The following PDXDC1 variants were observed in gnomAD, a reference collection of about 807,000 sequenced individuals.
The protein encoded by PDXDC1 is pyridoxal-dependent decarboxylase domain-containing protein 1.
In PDXDC1, 42 loss-of-function variants were observed where a neutral mutation model predicts 100.1. That is an observed-to-expected ratio of 0.42 (90% CI 0.33 to 0.54). The LOEUF (loss-of-function observed/expected upper bound fraction) is 0.54. PDXDC1 is among the 20% of genes least tolerant of loss of function. PDXDC1 has a pLI of 0.10. For missense variants in PDXDC1, 636 were observed against 979.2 expected, an observed-to-expected ratio of 0.65 and a Z score of 4.68; for synonymous variants, 260 against 371.7, an observed-to-expected ratio of 0.70 and a Z score of 3.46.
intron 16 of PDXDC1, among the ~76,000 whole-genome samples, chr16:15,087,045 A>T (rs1447983841): frequency 6.6e-6 from 1 of 152,238 alleles, no homozygotes; most frequent in Admixed American, 6.5e-5. Context: ...GTGACATGAG[A>T]AGAACTGCTA....
rs1156710772 is a variant in PDXDC1 at position 14,998,381 on chromosome 16, A to C, written c.137A>C (p.Asp46Ala). 6.2e-7 allele frequency: 1 copy of C among 1,613,312 alleles called. No individual in the cohort carries two copies. Among genetic ancestry groups the C allele is most frequent in the African/African-American group, 1.3e-5 (1 of 74,920 alleles). ...AATGGAAAGAAGCTCATATCCGGAG[A>C]TATTCCAGGCCCACTCCAGGGCAGG... is the stretch of plus-strand genomic sequence containing the variant. ...EENGKKLISG[D>A]IPGPLQGSGQ... The change falls in exon 3 of 23, where the codon GAT (aspartate) becomes GCT (alanine). Residue 46 changes from aspartate (D) to alanine (A), a missense_variant. Physicochemically the swap from Asp to Ala is moderately radical, Grantham distance 126. This residue lies in a region of PDXDC1 where 125 missense variants were observed against 479.9 expected (regional missense o/e 0.26). Coordinates refer to ENST00000396410, the MANE Select transcript of PDXDC1 (RefSeq NM_015027.4).
intron 14 of PDXDC1, among the ~76,000 whole-genome samples, chr16:15,027,321 T>C (rs1213369252): frequency 6.6e-6 from 1 of 152,290 alleles, no homozygotes; most frequent in African/African-American, 2.4e-5. Context: ...ACGGGCAGGC[T>C]GTGGGGCTCC....
intron 16 of PDXDC1, among the ~76,000 whole-genome samples, chr16:15,098,864 A>G (rs1168749550): frequency 1.3e-5 from 2 of 151,176 alleles, no homozygotes; most frequent in Admixed American, 6.6e-5. Context: ...AGGCATCAAA[A>G]CTCCCTCTCA....
chr16:15,072,013 C>T (rs1396580927), intron 16 of PDXDC1, among the ~76,000 whole-genome samples: 5 of 152,130 alleles, frequency 3.3e-5, no homozygotes, highest in South Asian at 2.1e-4. Flanking sequence ...TACGGACTAA[C>T]GCACAGCTGG....
intron 8 of PDXDC1, among the ~76,000 whole-genome samples, chr16:15,014,669 T>C (rs1474352282): frequency 6.6e-6 from 1 of 152,290 alleles, no homozygotes; most frequent in Non-Finnish European, 1.5e-5. Context: ...ACTACTTTCT[T>C]TAGCTGTGTT....
chr16:15,144,452 G>A, the PDXDC1 span, among the ~76,000 whole-genome samples: 1 of 152,284 alleles, frequency 6.6e-6, no homozygotes, highest in East Asian at 1.9e-4. Context: ...CTTCCATGGG[G>A]AGGGCCAGGG....
intron 16 of PDXDC1, among the ~76,000 whole-genome samples, chr16:15,064,660 C>T (rs912789299): frequency 3.9e-5 from 6 of 152,134 alleles, no homozygotes; most frequent in Non-Finnish European, 8.8e-5. Flanking sequence ...AACAAAAAAC[C>T]CTTGATGTCA....
chr16:15,131,297 C>G, intron 16 of PDXDC1: 3 of 1,572,336 alleles, frequency 1.9e-6, no homozygotes, highest in South Asian at 2.2e-5. Context: ...ATCTGGGCGC[C>G]GGCCTGTGTC....
intron 16 of PDXDC1, among the ~76,000 whole-genome samples, chr16:15,129,502 A>G (rs557095500): frequency 0.014 from 2,089 of 152,286 alleles, 36 homozygotes; most frequent in Non-Finnish European, 0.023. Flanking sequence ...AAAGGAAAAT[A>G]GAGGTATTGA....
intron 8 of PDXDC1, among the ~76,000 whole-genome samples, chr16:15,013,443 A>T (rs1475905758): frequency 6.6e-6 from 1 of 151,978 alleles, no homozygotes; most frequent in Non-Finnish European, 1.5e-5. Context: ...GGGAAAGGGT[A>T]ATTATATTGG....
intron 16 of PDXDC1, chr16:15,104,390 G>T: frequency 6.3e-7 from 1 of 1,595,900 alleles, no homozygotes. Flanking sequence ...GAAGGGGAGT[G>T]AGCAGACACA....
chr16:14,991,267 ATGTGTG>A (rs10642182), intron 1 of PDXDC1, among the ~76,000 whole-genome samples: 543 of 149,854 alleles, frequency 3.6e-3, no homozygotes, highest in African/African-American at 0.011. Context: ...GTATATAGAT[ATGTGTG>A]TGTGTGTGTG....
At chr16:15,064,237 G>A (rs1258626586) in intron 16 of PDXDC1, among the ~76,000 whole-genome samples, 2 of 151,880 alleles carry the variant, frequency 1.3e-5, no homozygotes, top group African/African-American at 4.8e-5. Context: ...GTGCATTGGT[G>A]CAATCTCGGC....
intron 16 of PDXDC1, among the ~76,000 whole-genome samples, chr16:15,056,259 TGTAGTCCCA>T (rs2044517254): frequency 6.6e-6 from 1 of 152,102 alleles, no homozygotes; most frequent in South Asian, 2.1e-4. Context: ...CGCTGGGAAG[TGTAGTCCCA>T]AAAGCGTGGG....
At chr16:15,053,199 G>C (rs1240515712) in intron 16 of PDXDC1, among the ~76,000 whole-genome samples, 1 of 152,238 alleles carries the variant, frequency 6.6e-6, no homozygotes, top group South Asian at 2.1e-4. Context: ...CAGAGTCAAG[G>C]GCAGGCTGCC....
At chr16:15,049,338 T>C (rs2044208227) in intron 16 of PDXDC1, among the ~76,000 whole-genome samples, 1 of 152,166 alleles carries the variant, frequency 6.6e-6, no homozygotes, top group Non-Finnish European at 1.5e-5. Context: ...CTCCGCTTTT[T>C]TACCTTAGTC....
At chr16:15,011,367 C>T (rs1455367050) in intron 8 of PDXDC1, among the ~76,000 whole-genome samples, 1 of 152,292 alleles carries the variant, frequency 6.6e-6, no homozygotes, top group African/African-American at 2.4e-5. Flanking sequence ...AAAACTGAAT[C>T]TTAACCCTTA....
chr16:15,068,494 C>G (rs11075254), intron 16 of PDXDC1, among the ~76,000 whole-genome samples: 97,633 of 152,064 alleles, frequency 0.64, 33,136 homozygotes, highest in Non-Finnish European at 0.74. Context: ...AAGGCAGCTT[C>G]TCTAAAGAAA....
intron 16 of PDXDC1, among the ~76,000 whole-genome samples, chr16:15,046,542 G>A (rs1280700629): frequency 1.3e-5 from 2 of 152,052 alleles, no homozygotes; most frequent in Non-Finnish European, 2.9e-5. Flanking sequence ...GAGGTGCTGT[G>A]GGGGCACCCA....
Sources: allele counts gnomAD v4.1 joint callset (sites outside exome capture counted in the v4.1 genomes callset), GRCh38; gene constraint gnomAD v4.1.1; regional missense constraint gnomAD v4.1.1; transcripts MANE v1.5; gene names NCBI Gene and HGNC (gene_info 2026-07-23, HGNC 2026-07-21).